The following LTN1 variants were observed in gnomAD, a reference collection of about 807,000 sequenced individuals.
The protein encoded by LTN1 is listerin E3 ubiquitin protein ligase 1.
Under a neutral mutation model 201.2 loss-of-function variants are expected in LTN1, and 88 were observed. The ratio of observed to expected loss-of-function variants is 0.44; its 90% CI spans 0.37 to 0.52. LTN1 has a LOEUF of 0.52. Among genes scored for constraint, LTN1 ranks in the 20% least tolerant of loss-of-function variants. The pLI is 0.00. For synonymous variants in LTN1, 645 were observed against 713.5 expected (o/e 0.90, Z 1.53); for missense variants, 1,752 against 2,038.7 (o/e 0.86, Z 2.71).
Position 28,941,399 on chromosome 21 carries a change from G to C in LTN1, c.4303C>G (p.Pro1435Ala). The change falls in exon 25 of 30, where the codon CCA (proline) becomes GCA (alanine). Residue 1435 changes from proline (P) to alanine (A), a missense_variant. Physicochemically the swap from Pro to Ala is conservative, Grantham distance 27. Coordinates refer to ENST00000361371, the MANE Select transcript of LTN1 (RefSeq NM_015565.3). Reference protein sequence around the residue: ...DEEEEPALSPPAALMSLLSIQ... With the variant: ...DEEEEPALSPAAALMSLLSIQ... The stretch of plus-strand genomic sequence containing the variant: ...CTAAGAAGAGACATCAGTGCTGCTG[G>C]TGGTGACCTAAGAATCAATGATTAA... 6.2e-7 allele frequency: 1 copy of C among 1,605,478 alleles called. No individual in the cohort carries two copies.
chr21:28,929,351 CTT>C lies in LTN1; in HGVS notation c.*1095_*1096del, dbSNP rs2084193151. On this transcript the variant is annotated 3_prime_UTR_variant, in exon 30 of 30. Transcript: ENST00000361371. ...TTATTCCAAGTTCTAAAGTTCCACA[CTT>C]TTATATTTTGGGCACAATTTTTAAG... 1 of 152,528 alleles carries C rather than the reference CTT, an allele frequency of 6.6e-6. No individual in the cohort carries two copies. Among genetic ancestry groups the C allele is most frequent in the Non-Finnish European group, 1.5e-5 (1 of 67,980 alleles). The allele number at this position is 152,528 out of a possible 1,614,324, so 9.4% of individuals were successfully genotyped here.
At chr21:28,978,760 C>T (rs7275898) in intron 6 of LTN1, among the ~76,000 whole-genome samples, 2,494 of 151,882 alleles carry the variant, frequency 0.016, 77 homozygotes, top group African/African-American at 0.057. Context: ...GACAAAAAGA[C>T]TAATATTTAA....
Position 28,986,437 on chromosome 21 carries a change from T to A in LTN1, c.247-200A>T. The A allele has an allele frequency of 2.9e-6, 2 of 681,414 alleles. No homozygotes were observed. Among genetic ancestry groups the A allele is most frequent in the Non-Finnish European group, 5.3e-6 (2 of 378,810 alleles). The allele number at this position is 681,414 out of a possible 1,614,324, so 42.2% of individuals were successfully genotyped here. ...CAGTTGTTTTTTTAAAAATAAAACA[T>A]CTACAAACAAAAAAACCTCATTTAA... On this transcript the variant is annotated intron_variant, in intron 2 of 29. Coordinates refer to ENST00000361371, the MANE Select transcript of LTN1 (RefSeq NM_015565.3). This position sits in a 1 kb window ranked among gnomAD's most constrained non-coding sequence, Gnocchi z 4.1.
chr21:28,956,773 A>C lies in LTN1; in HGVS notation c.3068T>G (p.Leu1023Arg). 6.3e-7 allele frequency: 1 copy of C among 1,586,276 alleles called. No individual in the cohort carries two copies. Among genetic ancestry groups the C allele is most frequent in the Middle Eastern group, 1.7e-4 (1 of 5,966 alleles). Residue 1023 changes from leucine to arginine, a missense_variant, in exon 16 of 30, where the codon CTT becomes CGT. By Grantham distance (102) the Leu-to-Arg change is moderately radical (BLOSUM62 -2). Transcript: ENST00000361371. ...RKETVLENNE[L>R]EKIIAELLYS... ...TCATATATACTTACTTATTTTCTCA[A>C]GCTCATTATTTTCTAAGACTGTTTC...
intron 1 of LTN1, among the ~76,000 whole-genome samples, chr21:28,990,300 C>A (rs892528142): frequency 3.3e-5 from 5 of 152,200 alleles, no homozygotes; most frequent in Non-Finnish European, 7.3e-5. Flanking sequence ...GAAGACTTTG[C>A]CACATTAAAG....
intron 18 of LTN1, among the ~76,000 whole-genome samples, chr21:28,949,353 A>T (rs546292511): frequency 1.3e-5 from 2 of 152,192 alleles, no homozygotes; most frequent in South Asian, 4.1e-4. Context: ...AAAAATTTTA[A>T]CTGTCATAAA....
intron 1 of LTN1, among the ~76,000 whole-genome samples, chr21:28,991,049 A>T (rs1474047811): frequency 6.6e-6 from 1 of 151,940 alleles, no homozygotes; most frequent in Non-Finnish European, 1.5e-5. Context: ...AGCTGGGAGG[A>T]TCACTTGAAC....
chr21:28,979,935 G>A (rs1316789518), intron 6 of LTN1, among the ~76,000 whole-genome samples: 1 of 152,144 alleles, frequency 6.6e-6, no homozygotes, highest in Non-Finnish European at 1.5e-5. Flanking sequence ...TCACGCCATT[G>A]CACTCCAACC....
In LTN1 at chr21:28,935,827, G is replaced by A. The variant is rs1484032175; in HGVS notation, c.4655-498C>T. Among the ~76,000 whole-genome samples, 9 of 135,392 alleles carry A rather than the reference G, an allele frequency of 6.6e-5. No individual in the cohort carries two copies. In the South Asian group the frequency reaches 9.3e-4, roughly 14 times the overall value. The allele number at this position is 135,392 out of a possible 152,430, so 88.8% of individuals were successfully genotyped here. A position where few individuals can be genotyped will look rare whatever the true frequency, so the allele number is the denominator to read the frequency against. ...TGCACTCCGGCCTGGGCGACAGAGCGAGACTCCGTCTCAAAAAAAAAAAAA... is the reference window on the plus strand; with the variant it reads ...TGCACTCCGGCCTGGGCGACAGAGCAAGACTCCGTCTCAAAAAAAAAAAAA... On this transcript the variant is annotated intron_variant, in intron 26 of 29. Coordinates refer to ENST00000361371, the MANE Select transcript of LTN1 (RefSeq NM_015565.3).
chr21:28,957,004 G>A, intron 15 of LTN1, 56 bp from the exon 16 acceptor site: 1 of 1,056,866 alleles, frequency 9.5e-7, no homozygotes. Context: ...AATTGAGACT[G>A]AACAAAAATG....
At chr21:28,988,002 G>A (rs1266803033) in intron 1 of LTN1, among the ~76,000 whole-genome samples, 1 of 152,110 alleles carries the variant, frequency 6.6e-6, no homozygotes, top group Non-Finnish European at 1.5e-5. Context: ...AATTAACTGG[G>A]CGTGGTGGCG....
chr21:28,982,968 A>G (rs1192758895), intron 4 of LTN1, among the ~76,000 whole-genome samples: 1 of 152,242 alleles, frequency 6.6e-6, no homozygotes, highest in Admixed American at 6.5e-5. Flanking sequence ...CCTGCTTTAT[A>G]GATTATGAAA....
In LTN1 at chr21:28,948,709, C is replaced by T. The variant is rs529159296; in HGVS notation, c.3345-1103G>A. Reference sequence around the variant, plus strand: ...TATAAATTATTCTGTTTTAAAGCTACGTAACAAAAATGAACAAAATCTACC... The same window carrying T: ...TATAAATTATTCTGTTTTAAAGCTATGTAACAAAAATGAACAAAATCTACC... On this transcript the variant is annotated intron_variant, in intron 18 of 29. Transcript: ENST00000361371. Among the ~76,000 whole-genome samples the T allele has an allele frequency of 1.3e-4, 20 of 152,242 alleles. No homozygotes were observed. In the South Asian group the frequency reaches 3.7e-3, roughly 28 times the overall value.
intron 12 of LTN1, among the ~76,000 whole-genome samples, chr21:28,960,024 A>C (rs994529461): frequency 1.3e-5 from 2 of 152,160 alleles, no homozygotes; most frequent in African/African-American, 4.8e-5. Context: ...AATATCTTCT[A>C]AGTCATGGTA....
Position 28,959,482 on chromosome 21 carries a change from T to G in LTN1, c.2569A>C (p.Ser857Arg). ...LLTLFQLCAQ[S>R]KEKTHLPDFL... is the part of the protein sequence containing the mutation. ...CCTGGCAAATGTGTTTTTTCTTTGC[T>G]CTGAGCACATAACTGAAAGAGAGTT... Residue 857 changes from serine (S) to arginine (R), a missense_variant, in exon 13 of 30, where the codon AGC (serine) becomes CGC (arginine). Physicochemically the swap from Ser to Arg is moderately radical, Grantham distance 110. This residue lies in a region of LTN1 where 1,211 missense variants were observed against 1,312.8 expected (regional missense o/e 0.92). Coordinates refer to ENST00000361371, the MANE Select transcript of LTN1 (RefSeq NM_015565.3). 4 of 1,613,892 alleles carry G rather than the reference T, an allele frequency of 2.5e-6. No homozygotes were observed. Among genetic ancestry groups the G allele is most frequent in the Non-Finnish European group, 3.4e-6 (4 of 1,179,910 alleles).
intron 5 of LTN1, among the ~76,000 whole-genome samples, chr21:28,982,103 G>A (rs1355008285): frequency 1.3e-5 from 2 of 152,022 alleles, no homozygotes; most frequent in Admixed American, 1.3e-4. Flanking sequence ...TATAATCCCA[G>A]CTACTCGAGA....
Position 28,931,284 on chromosome 21 carries a change from A to T in LTN1, c.5109T>A (p.Asn1703Lys). 1 of 1,612,548 alleles carries T rather than the reference A, an allele frequency of 6.2e-7. No homozygotes were observed. The highest frequency in any genetic ancestry group is 1.1e-5 in the South Asian group (1 of 90,766). ...CACCCTCAAAACGTTTGTCTACGTT[A>T]TTTTTCCATAAAGCTAAGCCTTCCA... ...SIMEGLALWK[N>K]NVDKRFEGVE... is the part of the protein sequence containing the mutation. The change falls in exon 29 of 30, where the codon AAT (asparagine) becomes AAA (lysine). Residue 1703 changes from asparagine (N) to lysine (K), a missense_variant. By Grantham distance (94) the Asn-to-Lys change is moderately conservative. Transcript: ENST00000361371.
At chr21:28,957,203 T>C (rs2084432779) in intron 15 of LTN1, 129 bp downstream of exon 15, 7 of 931,398 alleles carry the variant, frequency 7.5e-6, no homozygotes, top group South Asian at 1.9e-5. Context: ...TATATGAGCA[T>C]ACAAAGACAT....
intron 17 of LTN1, 140 bp from the exon 18 acceptor site, chr21:28,952,404 C>G: frequency 2.0e-6 from 1 of 512,690 alleles, no homozygotes; most frequent in Non-Finnish European, 3.5e-6. Context: ...GACTTTGCAC[C>G]CAAGCAACTG....
Sources: allele counts gnomAD v4.1 joint callset (sites outside exome capture counted in the v4.1 genomes callset), GRCh38; gene constraint gnomAD v4.1.1; regional missense constraint gnomAD v4.1.1; non-coding constraint Gnocchi (gnomAD v3.1); transcripts MANE v1.5; gene names NCBI Gene and HGNC (gene_info 2026-07-23, HGNC 2026-07-21).